ANKRD11: variants seen among roughly 807,000 people sequenced by gnomAD.
The protein encoded by ANKRD11 is ankyrin repeat domain-containing protein 11.
In ANKRD11, 17 loss-of-function variants were observed where a neutral mutation model predicts 195.7. The ratio of observed to expected loss-of-function variants is 0.09; its 90% CI spans 0.06 to 0.13. The LOEUF (loss-of-function observed/expected upper bound fraction) is 0.13. Ranked by LOEUF, ANKRD11 falls within the 10% of genes least tolerant of loss-of-function variation. The pLI, the probability that ANKRD11 is intolerant of heterozygous loss-of-function variation, is 1.00. For missense variants in ANKRD11, 3,735 were observed against 3,566.1 expected (o/e 1.05, Z -1.21); for synonymous variants, 1,953 against 1,528.1 (o/e 1.28, Z -6.49).
chr16:89,282,240 C>T lies in ANKRD11; in HGVS notation c.4302G>A (p.Glu1434=), dbSNP rs774615368. The T allele has an allele frequency of 1.2e-6, 2 of 1,613,972 alleles. 1 individual carries two copies. The highest frequency in any genetic ancestry group is 2.2e-5 in the South Asian group (2 of 91,070). ...TTTCTATTTTCTTGGAAGGTTCTCTCTCGGAATCATTTTTATCTTTCTTTT... is the reference window on the plus strand; with the variant it reads ...TTTCTATTTTCTTGGAAGGTTCTCTTTCGGAATCATTTTTATCTTTCTTTT... ...STEKKDKNDS[E]REPSKKIEKE... Residue 1434 remains glutamate (E), a synonymous_variant, in exon 9 of 13, where the codon GAG becomes GAA. Transcript: ENST00000301030.
chr16:89,386,445 G>C (rs1490278883), intron 2 of ANKRD11, among the ~76,000 whole-genome samples: 1 of 152,154 alleles, frequency 6.6e-6, no homozygotes, highest in Non-Finnish European at 1.5e-5. Flanking sequence ...CTGGTCCCTA[G>C]CAAGAGGCCC....
chr16:89,424,600 G>C (rs2042643129), intron 1 of ANKRD11, among the ~76,000 whole-genome samples: 1 of 152,126 alleles, frequency 6.6e-6, no homozygotes, highest in South Asian at 2.1e-4. Context: ...CAACAAAACA[G>C]AGCGAACATT....
chr16:89,290,960 G>T, intron 5 of ANKRD11, 53 bp downstream of exon 5: 1 of 1,610,096 alleles, frequency 6.2e-7, no homozygotes, highest in South Asian at 1.1e-5. Flanking sequence ...ATGAGGCTGC[G>T]ACCAGGCAGA....
intron 2 of ANKRD11, among the ~76,000 whole-genome samples, chr16:89,328,548 C>A (rs1011417928): frequency 1.3e-5 from 2 of 150,834 alleles, no homozygotes; most frequent in Admixed American, 6.6e-5. Context: ...ATGGGTGAAT[C>A]TGCAGAGGCC....
chr16:89,376,500 T>A (rs1200011242), intron 2 of ANKRD11, among the ~76,000 whole-genome samples: 2 of 152,208 alleles, frequency 1.3e-5, no homozygotes, highest in Admixed American at 6.5e-5. Flanking sequence ...TGCAGTGGCA[T>A]GATCTCAGCT....
intron 3 of ANKRD11, among the ~76,000 whole-genome samples, chr16:89,315,319 A>G (rs1009013990): frequency 6.6e-6 from 1 of 152,146 alleles, no homozygotes; most frequent in Admixed American, 6.5e-5. Flanking sequence ...GATGAGGAAG[A>G]TGAGGCCAGG....
rs2036754886 is a variant in ANKRD11 at position 89,313,681 on chromosome 16, A to G, written c.87+3252T>C. ...CTGAGCAGAAACCATTTCAGCCTGT[A>G]CCAGGAGAAGGCAGGTCAGATGTGT... On this transcript the variant is annotated intron_variant, in intron 3 of 12. Coordinates refer to ENST00000301030, the MANE Select transcript of ANKRD11 (RefSeq NM_013275.6). The G allele has an allele frequency of 5.3e-6, 6 of 1,131,626 alleles. No homozygotes were observed. The South Asian group carries it at 7.8e-5, about 15-fold the overall frequency. 70.1% of individuals were successfully genotyped at this position (1,131,626 alleles called of 1,614,324 possible). A position where few individuals can be genotyped will look rare whatever the true frequency, so the allele number is the denominator to read the frequency against.
chr16:89,355,299 C>T (rs2039419767), intron 2 of ANKRD11, among the ~76,000 whole-genome samples: 1 of 151,710 alleles, frequency 6.6e-6, no homozygotes, highest in Admixed American at 6.6e-5. Flanking sequence ...GCTCGGAAGG[C>T]GGGCGGACGG....
At position 89,283,700 on chromosome 16, in the gene ANKRD11, C is replaced by T. The variant is rs768925695; in HGVS notation, c.2842G>A (p.Gly948Arg). The change falls in exon 9 of 13, where the codon GGG becomes AGG. Residue 948 changes from glycine (G) to arginine (R), a missense_variant. Gly to Arg is a moderately radical substitution (Grantham distance 125, BLOSUM62 -2). Transcript: ENST00000301030. This position sits in a 1 kb window ranked among gnomAD's most constrained non-coding sequence, Gnocchi z 4.3. ...DKKRRESAEA[G>R]RDRKDALESC... ...TCCAGGGCGTCCTTTCTGTCCCGCC[C>T]GGCCTCTGCGGACTCTCTCCTCTTC... 1.2e-5 allele frequency: 19 copies of T among 1,613,412 alleles called. No individual in the cohort carries two copies. Among genetic ancestry groups the T allele is most frequent in the African/African-American group, 5.3e-5 (4 of 75,058 alleles).
At chr16:89,418,459 G>GA in intron 1 of ANKRD11, 91 bp from the exon 2 acceptor site, 1 of 362,056 alleles carries the variant, frequency 2.8e-6, no homozygotes, top group Non-Finnish European at 5.7e-6. Flanking sequence ...TGGTCCACAC[G>GA]GTTTATTCCA....
chr16:89,300,249 G>C (rs2035766368), intron 4 of ANKRD11: 1 of 239,430 alleles, frequency 4.2e-6, no homozygotes, highest in Non-Finnish European at 8.4e-6. Flanking sequence ...GACCTGTGTG[G>C]GGTGCGTGGG....
chr16:89,447,331 C>G (rs1320449988), intron 1 of ANKRD11, among the ~76,000 whole-genome samples: 2 of 152,254 alleles, frequency 1.3e-5, no homozygotes, highest in African/African-American at 4.8e-5. Flanking sequence ...ACAAACACCC[C>G]AACACCCTTT....
intron 2 of ANKRD11, among the ~76,000 whole-genome samples, chr16:89,321,386 G>C (rs1024892012): frequency 2.0e-5 from 3 of 151,684 alleles, no homozygotes; most frequent in Non-Finnish European, 2.9e-5. Flanking sequence ...GGCAGGACTG[G>C]GGCTGCAGGG....
intron 1 of ANKRD11, among the ~76,000 whole-genome samples, chr16:89,424,507 G>C (rs1415501532): frequency 1.3e-5 from 2 of 151,896 alleles, no homozygotes; most frequent in Non-Finnish European, 1.5e-5. Context: ...TCCAAGCCCA[G>C]TCTTTGGGTG....
At chr16:89,391,520 G>A (rs781705912) in intron 2 of ANKRD11, among the ~76,000 whole-genome samples, 1 of 152,186 alleles carries the variant, frequency 6.6e-6, no homozygotes, top group Non-Finnish European at 1.5e-5. Context: ...GACGTCTTTT[G>A]CGTTTTCTGT....
chr16:89,396,456 G>A (rs1433021762), intron 2 of ANKRD11, among the ~76,000 whole-genome samples: 1 of 152,120 alleles, frequency 6.6e-6, no homozygotes, highest in Non-Finnish European at 1.5e-5. Context: ...CACCTGCTGG[G>A]TTTTGGTGTC....
intron 2 of ANKRD11, among the ~76,000 whole-genome samples, chr16:89,368,253 T>G (rs1022962050): frequency 2.6e-5 from 4 of 151,960 alleles, no homozygotes; most frequent in East Asian, 3.9e-4. Context: ...CAGACTGCAG[T>G]GGCACAATCT....
intron 2 of ANKRD11, among the ~76,000 whole-genome samples, chr16:89,344,906 T>C (rs1445134459): frequency 6.6e-6 from 1 of 152,202 alleles, no homozygotes; most frequent in Non-Finnish European, 1.5e-5. Context: ...TTAGTTTCAT[T>C]ACCAGGCTCC....
At chr16:89,347,350 C>G (rs542942783) in intron 2 of ANKRD11, among the ~76,000 whole-genome samples, 1 of 152,200 alleles carries the variant, frequency 6.6e-6, no homozygotes, top group South Asian at 2.1e-4. Flanking sequence ...TGGCTCATGC[C>G]TGTAATCCCA....
Sources: gnomAD v4.1 joint callset for allele counts (sites outside exome capture counted in the v4.1 genomes callset) on GRCh38, gnomAD v4.1.1 for gene constraint, Gnocchi (gnomAD v3.1) non-coding constraint, MANE v1.5 for transcripts, NCBI Gene and HGNC (gene_info 2026-07-23, HGNC 2026-07-21) for gene names.